GALK2: variants seen among roughly 807,000 people sequenced by gnomAD.
GALK2 encodes N-acetylgalactosamine kinase.
In GALK2, 36 loss-of-function variants were observed where a neutral mutation model predicts 52.4. That is an observed-to-expected ratio of 0.69 (90% CI 0.53 to 0.91). The LOEUF (loss-of-function observed/expected upper bound fraction) is 0.91, where lower values mean the gene tolerates loss of function less well. Ranked by LOEUF, GALK2 falls within the 40% of genes least tolerant of loss-of-function variation. The pLI, the probability that GALK2 is intolerant of heterozygous loss-of-function variation, is 0.00. For missense variants in GALK2, 579 were observed against 559.1 expected (o/e 1.04, Z -0.36); for synonymous variants, 176 against 199.1 (o/e 0.88, Z 0.98).
chr15:49,194,884 C>T (rs991580508), intron 1 of GALK2, among the ~76,000 whole-genome samples: 16 of 151,866 alleles, frequency 1.1e-4, no homozygotes, highest in African/African-American at 1.9e-4. Flanking sequence ...CATAAGCCAC[C>T]GTGCCTGGCT....
chr15:49,270,804 A>C (rs117488928), intron 5 of GALK2, among the ~76,000 whole-genome samples: 4,082 of 152,320 alleles, frequency 0.027, 77 homozygotes, highest in Non-Finnish European at 0.04. Context: ...CATATTAGGA[A>C]AATTAGCAAG....
At chr15:49,364,612 C>G (rs2044804814) in intron 3 of GALK2, among the ~76,000 whole-genome samples, 1 of 152,030 alleles carries the variant, frequency 6.6e-6, no homozygotes, top group African/African-American at 2.4e-5. Flanking sequence ...CAAAAATATG[C>G]ACTTACATTT....
chr15:49,231,724 G>A (rs533413005), intron 3 of GALK2, among the ~76,000 whole-genome samples: 1 of 152,312 alleles, frequency 6.6e-6, no homozygotes, highest in South Asian at 2.1e-4. Context: ...GGGGCTACAG[G>A]CCCCATGTAA....
At chr15:49,228,688 T>TATATATATATATATATATTTATTTATTTA in intron 3 of GALK2, among the ~76,000 whole-genome samples, 1 of 10,444 alleles carries the variant, frequency 9.6e-5, no homozygotes, top group African/African-American at 3.4e-4. Context: ...TATATATATA[T>TATATATATATATATATATTTATTTATTTA]TTTTTTTTTT....
intron 5 of GALK2, among the ~76,000 whole-genome samples, chr15:49,246,519 G>A (rs1255501938): frequency 6.6e-6 from 1 of 152,172 alleles, no homozygotes; most frequent in Non-Finnish European, 1.5e-5. Context: ...CTAAGGAAGA[G>A]AAAACCCATA....
intron 5 of GALK2, among the ~76,000 whole-genome samples, chr15:49,240,129 A>G (rs1185423938): frequency 6.6e-6 from 1 of 152,204 alleles, no homozygotes; most frequent in Non-Finnish European, 1.5e-5. Flanking sequence ...GCAGAAATGA[A>G]GGAGAAAGCA....
intron 8 of GALK2, chr15:49,318,003 T>C (rs997146876): frequency 5.9e-5 from 9 of 152,056 alleles, no homozygotes; most frequent in Non-Finnish European, 1.0e-4. Context: ...GCATGGTATA[T>C]CTATGTAACA....
intron 3 of GALK2, among the ~76,000 whole-genome samples, chr15:49,346,126 C>T (rs1043242413): frequency 3.3e-5 from 5 of 151,402 alleles, no homozygotes; most frequent in African/African-American, 7.3e-5. Context: ...TTACTGGCTG[C>T]TTGATAGATA....
chr15:49,318,344 A>G (rs189134290), intron 8 of GALK2, among the ~76,000 whole-genome samples: 5 of 152,294 alleles, frequency 3.3e-5, no homozygotes, highest in Non-Finnish European at 7.4e-5. Flanking sequence ...AAAATCACCC[A>G]TAATGGACCA....
chr15:49,235,468 A>G (rs978752231), intron 3 of GALK2, among the ~76,000 whole-genome samples: 4 of 152,012 alleles, frequency 2.6e-5, no homozygotes, highest in African/African-American at 9.7e-5. Context: ...GGTGGCAGAG[A>G]TGGCTTTGAG....
intron 5 of GALK2, among the ~76,000 whole-genome samples, chr15:49,275,443 T>A (rs1455624028): frequency 6.6e-6 from 1 of 152,240 alleles, no homozygotes; most frequent in Non-Finnish European, 1.5e-5. Context: ...GCCTATTCAC[T>A]TATCTGTTAG....
At chr15:49,252,094 T>C (rs955860271) in intron 5 of GALK2, among the ~76,000 whole-genome samples, 1 of 152,102 alleles carries the variant, frequency 6.6e-6, no homozygotes, top group Non-Finnish European at 1.5e-5. Context: ...GGTGAAACTC[T>C]GTCTCTCCTA....
intron 3 of GALK2, among the ~76,000 whole-genome samples, chr15:49,339,611 A>G (rs899567655): frequency 6.6e-6 from 1 of 152,102 alleles, no homozygotes; most frequent in Admixed American, 6.5e-5. Context: ...TCAGGGACCC[A>G]CTTGAGAAGG....
rs2091782619 is a variant in GALK2, at chr15:49,255,611, G to A, written c.504+16244G>A. ...TGGTGAATTGCATCACATGGTTTCT[G>A]TTTCTCCAATTGTACTTAACATTAT... On this transcript the variant is annotated intron_variant, in intron 5 of 9. Transcript: ENST00000560031. Among the ~76,000 whole-genome samples the A allele has an allele frequency of 1.9e-5, 2 of 105,766 alleles. 1 individual carries two copies. Among genetic ancestry groups the A allele is most frequent in the Non-Finnish European group, 4.7e-5 (2 of 42,806 alleles). The allele number at this position is 105,766 out of a possible 152,430, so 69.4% of individuals were successfully genotyped here.
Position 49,233,228 on chromosome 15 carries a change from T to C in GALK2, c.267-2623T>C, listed in dbSNP as rs139131752. Among the ~76,000 whole-genome samples, 430 of 152,236 alleles carry C rather than the reference T, an allele frequency of 2.8e-3. 4 individuals carry two copies. The highest frequency in any genetic ancestry group is 9.9e-3 in the African/African-American group (412 of 41,542). ...GGAAGGCAAAGGGGAAGCAGGCATG[T>C]CTACATGGCCAGAGCCAGGAGGAAG... On this transcript the variant is annotated intron_variant, in intron 3 of 9. Transcript: ENST00000560031.
At chr15:49,231,185 C>A (rs769817283) in intron 3 of GALK2, among the ~76,000 whole-genome samples, 2 of 151,948 alleles carry the variant, frequency 1.3e-5, no homozygotes, top group African/African-American at 4.8e-5. Flanking sequence ...AGCATGGCTG[C>A]GGAGGCCTCA....
At chr15:49,335,871 G>A (rs542915475), downstream of GALK2, among the ~76,000 whole-genome samples, 4 of 151,996 alleles carry the variant, frequency 2.6e-5, no homozygotes, top group African/African-American at 9.7e-5. Flanking sequence ...ATTCATTTTC[G>A]AGACAGGGTC....
intron 2 of GALK2, among the ~76,000 whole-genome samples, chr15:49,214,159 T>A (rs943181739): frequency 6.6e-6 from 1 of 152,064 alleles, no homozygotes; most frequent in South Asian, 2.1e-4. Context: ...TTTTTGTATC[T>A]GTTACAGGTT....
intron 9 of GALK2, among the ~76,000 whole-genome samples, chr15:49,324,660 A>G (rs1209726831): frequency 1.3e-5 from 2 of 152,200 alleles, no homozygotes; most frequent in East Asian, 3.8e-4. Context: ...TGTAAAAATC[A>G]TAGAAACTGC....
Sources: gnomAD v4.1 joint callset for allele counts (sites outside exome capture counted in the v4.1 genomes callset) on GRCh38, gnomAD v4.1.1 for gene constraint, MANE v1.5 for transcripts, NCBI Gene and HGNC (gene_info 2026-07-23, HGNC 2026-07-21) for gene names.